Variants in FREM1 observed in about 807,000 individuals in gnomAD.
FREM1 encodes the protein FRAS1 related extracellular matrix 1, also known as FRAS1-related extracellular matrix protein 1.
In FREM1, 220 loss-of-function variants were observed where a neutral mutation model predicts 210.1. That is an observed-to-expected ratio of 1.05 (90% CI 0.94 to 1.17). The LOEUF (loss-of-function observed/expected upper bound fraction) is 1.17, where lower values mean the gene tolerates loss of function less well. FREM1 is among the 50% of genes most tolerant of loss of function. FREM1 has a pLI of 0.00. For synonymous variants in FREM1, 1,189 were observed against 980.2 expected (o/e 1.21, Z -3.98); for missense variants, 3,454 against 2,675.5 (o/e 1.29, Z -6.42).
In FREM1 at chr9:14,747,324, C is replaced by T. The variant is rs978438400; in HGVS notation, c.5949G>A (p.Val1983=). Residue 1983 remains valine, a synonymous_variant, in exon 33 of 37, where the codon GTG becomes GTA. Coordinates refer to ENST00000380880, the MANE Select transcript of FREM1 (RefSeq NM_001379081.2). ...CCTTATCTGCTTGAGGCAGTTCTGCCACTTTGATTGTCTTTTGTGGCTGAC... is the reference window on the plus strand; with the variant it reads ...CCTTATCTGCTTGAGGCAGTTCTGCTACTTTGATTGTCTTTTGTGGCTGAC... ...IISQPQKTIK[V]AELPQADKVE... is the part of the protein sequence containing the mutation. The T allele has an allele frequency of 2.5e-6, 4 of 1,613,558 alleles. No homozygotes were observed. The highest frequency in any genetic ancestry group is 3.4e-6 in the Non-Finnish European group (4 of 1,179,774).
chr9:14,895,098 C>G (rs145578438), intron 1 of FREM1, among the ~76,000 whole-genome samples: 1 of 152,168 alleles, frequency 6.6e-6, no homozygotes, highest in African/African-American at 2.4e-5. Flanking sequence ...AGGAATTTAC[C>G]CAACTCACAG....
At chr9:14,853,800 C>T (rs1828211322) in intron 5 of FREM1, among the ~76,000 whole-genome samples, 1 of 152,098 alleles carries the variant, frequency 6.6e-6, no homozygotes. Context: ...TCGTGTGTCA[C>T]TGGGAAGAAG....
chr9:14,823,145 G>T lies in FREM1; in HGVS notation c.2337+15C>A. ...TTTCCTCCTTTTCATCCTCTATATA[G>T]AACATTGTACATACCTCAGGAACTT... On this transcript the variant is annotated intron_variant, in intron 13 of 36. Transcript: ENST00000380880. 2 of 1,604,036 alleles carry T rather than the reference G, an allele frequency of 1.2e-6. No individual in the cohort carries two copies. The highest frequency in any genetic ancestry group is 2.2e-5 in the South Asian group (2 of 90,560).
chr9:14,739,513 GTA>G, intron 36 of FREM1, among the ~76,000 whole-genome samples: 2 of 138,622 alleles, frequency 1.4e-5, no homozygotes, highest in East Asian at 4.0e-4. Context: ...ATGAATATAT[GTA>G]TATATTCCAA....
At chr9:14,894,151 T>C (rs1042099761) in intron 1 of FREM1, among the ~76,000 whole-genome samples, 3 of 152,216 alleles carry the variant, frequency 2.0e-5, no homozygotes, top group African/African-American at 7.2e-5. Flanking sequence ...ACAGAAAGCA[T>C]TGTCAAATAT....
intron 1 of FREM1, among the ~76,000 whole-genome samples, chr9:14,871,767 CTACGGTTTT>C (rs367801449): frequency 0.033 from 5,063 of 152,056 alleles, 273 homozygotes; most frequent in African/African-American, 0.11. Flanking sequence ...AGGTTTTCTT[CTACGGTTTT>C]TACGGTTTTT....
chr9:14,848,588 C>T, intron 7 of FREM1, 77 bp downstream of exon 7: 2 of 752,068 alleles, frequency 2.7e-6, no homozygotes, highest in South Asian at 4.9e-5. Flanking sequence ...AATAAAACTA[C>T]CTTTCTTTCC....
At chr9:14,760,586 C>G (rs1325363010) in intron 27 of FREM1, among the ~76,000 whole-genome samples, 1 of 152,140 alleles carries the variant, frequency 6.6e-6, no homozygotes, top group Non-Finnish European at 1.5e-5. Context: ...AAACTGTCTT[C>G]TTTAATCTTC....
chr9:14,773,620 T>TG (rs397827071), intron 25 of FREM1, among the ~76,000 whole-genome samples: 1 of 150,746 alleles, frequency 6.6e-6, no homozygotes, highest in African/African-American at 2.4e-5. Context: ...TTTTTTTTTT[T>TG]GCAAGGAAAG....
At chr9:14,841,398 G>A in intron 10 of FREM1, 49 bp downstream of exon 10, 1 of 1,445,676 alleles carries the variant, frequency 6.9e-7, no homozygotes, top group Non-Finnish European at 9.3e-7. Flanking sequence ...TCCTAGAATT[G>A]ACACCTGTGC....
At chr9:14,871,495 T>C (rs1323702926) in intron 1 of FREM1, among the ~76,000 whole-genome samples, 1 of 152,178 alleles carries the variant, frequency 6.6e-6, no homozygotes, top group Non-Finnish European at 1.5e-5. Flanking sequence ...CACTTTTTGA[T>C]GGGGTTGTTT....
chr9:14,816,240 A>T (rs1036245797), intron 15 of FREM1, among the ~76,000 whole-genome samples: 1 of 152,196 alleles, frequency 6.6e-6, no homozygotes, highest in Admixed American at 6.5e-5. Flanking sequence ...CTACCTCTAA[A>T]TAGATTAGAG....
Position 14,792,751 on chromosome 9 carries a change from G to T in FREM1, c.3973C>A (p.Gln1325Lys), listed in dbSNP as rs1851651447. The stretch of plus-strand genomic sequence containing the variant: ...AGTAAGAAGTCACTAACCTTAAGCT[G>T]AAGTTGCCCATTTTGGGGAAGCCTT... ...FERLPQNGQLQLKIGRDWVPL... is the reference protein window; with the variant it reads ...FERLPQNGQLKLKIGRDWVPL... Residue 1325 changes from glutamine to lysine, a missense_variant, in exon 22 of 37, where the codon CAG becomes AAG. Physicochemically the swap from Gln to Lys is moderately conservative, Grantham distance 53. Coordinates refer to ENST00000380880, the MANE Select transcript of FREM1 (RefSeq NM_001379081.2). The T allele has an allele frequency of 6.3e-7, 1 of 1,595,872 alleles. No homozygotes were observed. Among genetic ancestry groups the T allele is most frequent in the African/African-American group, 1.3e-5 (1 of 74,200 alleles).
At chr9:14,785,421 TC>T (rs1348092386) in intron 23 of FREM1, among the ~76,000 whole-genome samples, 1 of 152,246 alleles carries the variant, frequency 6.6e-6, no homozygotes, top group African/African-American at 2.4e-5. Flanking sequence ...AATATTCCAG[TC>T]CTTCAATTGT....
intron 25 of FREM1, among the ~76,000 whole-genome samples, chr9:14,771,453 T>C (rs561256275): frequency 5.8e-4 from 88 of 152,296 alleles, no homozygotes; most frequent in African/African-American, 2.1e-3. Context: ...GTGGACCAGA[T>C]TTGTGAAGAT....
intron 27 of FREM1, among the ~76,000 whole-genome samples, chr9:14,761,264 C>A (rs547026861): frequency 1.3e-5 from 2 of 152,258 alleles, no homozygotes; most frequent in African/African-American, 4.8e-5. Flanking sequence ...GCCAGATAAA[C>A]TCAACAGTGT....
chr9:14,810,162 G>C (rs1435413311), intron 16 of FREM1, among the ~76,000 whole-genome samples: 2 of 151,980 alleles, frequency 1.3e-5, no homozygotes, highest in Non-Finnish European at 2.9e-5. Context: ...GTAGAACATT[G>C]GGACAGATGG....
At chr9:14,899,660 A>G (rs1241316486) in intron 1 of FREM1, among the ~76,000 whole-genome samples, 1 of 152,216 alleles carries the variant, frequency 6.6e-6, no homozygotes, top group Non-Finnish European at 1.5e-5. Context: ...AGTCTTGGCT[A>G]AAATACCTTC....
Position 14,746,340 on chromosome 9 carries a change from T to A in FREM1, c.6254+13A>T. The A allele has an allele frequency of 1.3e-6, 2 of 1,568,874 alleles. No homozygotes were observed. Among genetic ancestry groups the A allele is most frequent in the South Asian group, 2.2e-5 (2 of 89,782 alleles). ...AAGAAAACACCAATCAAATGTGCAATAGGGTGCCTTACTGTTCCCTGCAAG... is the reference window on the plus strand; with the variant it reads ...AAGAAAACACCAATCAAATGTGCAAAAGGGTGCCTTACTGTTCCCTGCAAG... On this transcript the variant is annotated intron_variant, in intron 35 of 36. Coordinates refer to ENST00000380880, the MANE Select transcript of FREM1 (RefSeq NM_001379081.2).
Sources: gnomAD v4.1 joint callset for allele counts (sites outside exome capture counted in the v4.1 genomes callset) on GRCh38, gnomAD v4.1.1 for gene constraint, MANE v1.5 for transcripts, NCBI Gene and HGNC (gene_info 2026-07-23, HGNC 2026-07-21) for gene names.